The following STON2 variants were observed in gnomAD, a reference collection of about 807,000 sequenced individuals.
The protein encoded by STON2 is stonin-2.
STON2 carries 29 observed loss-of-function variants against 65.7 expected under a neutral mutation model. The ratio of observed to expected loss-of-function variants is 0.44; its 90% CI spans 0.33 to 0.60. STON2 has a LOEUF of 0.60. STON2 is among the 20% of genes least tolerant of loss of function. The pLI, the probability that STON2 is intolerant of heterozygous loss-of-function variation, is 0.03. For missense variants in STON2, 1,054 were observed against 1,118.1 expected (o/e 0.94, Z 0.82); for synonymous variants, 404 against 414.2 (o/e 0.98, Z 0.30).
At chr14:81,352,743 C>G (rs1008818774) in intron 4 of STON2, among the ~76,000 whole-genome samples, 2 of 152,172 alleles carry the variant, frequency 1.3e-5, no homozygotes, top group African/African-American at 4.8e-5. Context: ...TTACAGTTGT[C>G]ACCTCCTCTT....
chr14:81,350,116 T>C (rs1209328300), intron 4 of STON2, among the ~76,000 whole-genome samples: 2 of 151,958 alleles, frequency 1.3e-5, no homozygotes, highest in East Asian at 1.9e-4. Context: ...AAACATACAG[T>C]TAGATAGAAG....
chr14:81,323,686 T>C (rs1007837758), intron 5 of STON2: 1 of 152,156 alleles, frequency 6.6e-6, no homozygotes, highest in African/African-American at 2.4e-5. Context: ...ATGTCCACAA[T>C]CCTTCACACT....
chr14:81,356,312 A>C (rs1043160411), intron 4 of STON2, among the ~76,000 whole-genome samples: 5 of 152,188 alleles, frequency 3.3e-5, no homozygotes, highest in Non-Finnish European at 5.9e-5. Flanking sequence ...GATTACATTT[A>C]TTGATTTGCG....
At chr14:81,269,433 A>C (rs573309492) in intron 7 of STON2, 3 of 985,458 alleles carry the variant, frequency 3.0e-6, no homozygotes, top group African/African-American at 3.5e-5. Context: ...TAATCTTTGA[A>C]AGTAATACAT....
intron 3 of STON2, among the ~76,000 whole-genome samples, chr14:81,373,686 C>A (rs1899109920): frequency 6.6e-6 from 1 of 152,052 alleles, no homozygotes; most frequent in Non-Finnish European, 1.5e-5. Context: ...CAATAAAGAA[C>A]CTAGGGCCAA....
At chr14:81,416,137 T>G (rs552648067) in intron 2 of STON2, among the ~76,000 whole-genome samples, 1 of 152,332 alleles carries the variant, frequency 6.6e-6, no homozygotes, top group East Asian at 1.9e-4. Context: ...GTCTCTGAAA[T>G]GCTCTACGCC....
At chr14:81,360,815 A>C (rs1244597160) in intron 4 of STON2, among the ~76,000 whole-genome samples, 1 of 152,158 alleles carries the variant, frequency 6.6e-6, no homozygotes, top group African/African-American at 2.4e-5. Context: ...ATAAACATAC[A>C]CAGTAAAGTT....
chr14:81,410,218 T>G (rs1355307449), intron 2 of STON2, among the ~76,000 whole-genome samples: 1 of 146,622 alleles, frequency 6.8e-6, no homozygotes, highest in African/African-American at 2.6e-5. Flanking sequence ...AAAAAATATA[T>G]TTTTGCTTAA....
chr14:81,268,464 C>T lies in STON2; in HGVS notation c.2818G>A (p.Asp940Asn). The change falls in exon 8 of 8, where the codon GAC becomes AAC. Residue 940 changes from aspartate (D) to asparagine (N), a missense_variant. Asp to Asn is a conservative substitution (Grantham distance 23). Coordinates refer to ENST00000614646, the MANE Select transcript of STON2 (RefSeq NM_001394390.1). ...TTTTCCATTTCATCTCCTTCAAAGTCCGGCTTCAAACTCTTTTTTTGCTCA... is the reference window on the plus strand; with the variant it reads ...TTTTCCATTTCATCTCCTTCAAAGTTCGGCTTCAAACTCTTTTTTTGCTCA... Reference protein sequence around the residue: ...EIEQKKSLKPDFEGDEMENPK... With the variant: ...EIEQKKSLKPNFEGDEMENPK... 7.8e-7 allele frequency: 1 copy of T among 1,289,622 alleles called. No homozygotes were observed. Among genetic ancestry groups the T allele is most frequent in the Non-Finnish European group, 1.0e-6 (1 of 988,716 alleles). 79.9% of individuals were successfully genotyped at this position (1,289,622 alleles called of 1,614,324 possible).
Position 81,411,631 on chromosome 14 carries a change from C to T in STON2, c.-198-13051G>A, listed in dbSNP as rs575647238. On this transcript the variant is annotated intron_variant, in intron 2 of 8. Transcript: ENST00000553821. ...GTGAGGCAGGAGAATCGCTTGAACCCGGGAGGCAGAGGTTGCAGTGAGCCA... is the reference window on the plus strand; with the variant it reads ...GTGAGGCAGGAGAATCGCTTGAACCTGGGAGGCAGAGGTTGCAGTGAGCCA... 1.8e-4 allele frequency among the ~76,000 whole-genome samples: 27 copies of T among 152,326 alleles called. No homozygotes were observed. The East Asian group carries it at 4.4e-3, about 25-fold the overall frequency.
chr14:81,313,794 C>CA (rs1458066137), intron 5 of STON2, among the ~76,000 whole-genome samples: 1,365 of 98,496 alleles, frequency 0.014, 31 homozygotes, highest in African/African-American at 0.054. Flanking sequence ...GACTCCGTCT[C>CA]AAAAAAAAAA....
intron 7 of STON2, chr14:81,269,351 A>G (rs1453318742): frequency 2.0e-6 from 2 of 985,284 alleles, no homozygotes; most frequent in Non-Finnish European, 2.4e-6. Flanking sequence ...ACTGATAAAT[A>G]CTGGAATGTT....
At chr14:81,434,443 T>C (rs1414466029) in intron 1 of STON2, among the ~76,000 whole-genome samples, 1 of 152,206 alleles carries the variant, frequency 6.6e-6, no homozygotes, top group African/African-American at 2.4e-5. Context: ...ATCTGAGACT[T>C]GAAAGATTGC....
intron 4 of STON2, among the ~76,000 whole-genome samples, chr14:81,354,233 A>G (rs1225807260): frequency 6.6e-6 from 1 of 152,204 alleles, no homozygotes; most frequent in African/African-American, 2.4e-5. Flanking sequence ...TGGTCTTACC[A>G]GATACTGGAG....
chr14:81,266,711 T>C lies in STON2; in HGVS notation c.*1703A>G. 1 of 985,376 alleles carries C rather than the reference T, an allele frequency of 1.0e-6. No homozygotes were observed. The highest frequency in any genetic ancestry group is 1.2e-6 in the Non-Finnish European group (1 of 829,900). 61.0% of individuals were successfully genotyped at this position (985,376 alleles called of 1,614,324 possible). A position where few individuals can be genotyped will look rare whatever the true frequency, so the allele number is the denominator to read the frequency against. The stretch of plus-strand genomic sequence containing the variant: ...TAGCTTTGTGAATAGCCATGATATA[T>C]TTCTGATTCAACATTGAACCTCCAT... On this transcript the variant is annotated 3_prime_UTR_variant, in exon 8 of 8. Transcript: ENST00000614646.
intron 3 of STON2, among the ~76,000 whole-genome samples, chr14:81,383,290 G>A (rs1441370724): frequency 6.6e-6 from 1 of 152,174 alleles, no homozygotes; most frequent in African/African-American, 2.4e-5. Flanking sequence ...CTGTAAAATG[G>A]AGCTGAAGAG....
At position 81,264,891 on chromosome 14, in the gene STON2, T is replaced by C. The variant is rs1237197417; in HGVS notation, c.*3523A>G. On this transcript the variant is annotated 3_prime_UTR_variant, in exon 8 of 8. Transcript: ENST00000614646. ...GTGCCTCACATTGTCTTGTCTGACA[T>C]GTCATGAGTACATTTCTTATCTTTT... The C allele has an allele frequency of 1.0e-6, 1 of 985,306 alleles. No individual in the cohort carries two copies. Among genetic ancestry groups the C allele is most frequent in the Non-Finnish European group, 1.2e-6 (1 of 829,926 alleles). The allele number at this position is 985,306 out of a possible 1,614,324, so 61.0% of individuals were successfully genotyped here.
intron 6 of STON2, among the ~76,000 whole-genome samples, chr14:81,276,345 T>C (rs1160452974): frequency 6.6e-6 from 1 of 152,258 alleles, no homozygotes; most frequent in South Asian, 2.1e-4. Context: ...CCTAGCTGGA[T>C]CTTCAGTCTG....
intron 3 of STON2, among the ~76,000 whole-genome samples, chr14:81,375,213 G>A (rs1396650667): frequency 1.3e-5 from 2 of 152,042 alleles, no homozygotes; most frequent in African/African-American, 2.4e-5. Context: ...TAAAAGGAAT[G>A]TAAGAGGTTA....
Sources: gnomAD v4.1 joint callset for allele counts (sites outside exome capture counted in the v4.1 genomes callset) on GRCh38, gnomAD v4.1.1 for gene constraint, MANE v1.5 for transcripts, NCBI Gene and HGNC (gene_info 2026-07-23, HGNC 2026-07-21) for gene names.